The following TBC1D12 variants were observed in gnomAD, a reference collection of about 807,000 sequenced individuals.
TBC1D12 encodes the protein TBC1 domain family, member 12.
In TBC1D12, 56 loss-of-function variants were observed where a neutral mutation model predicts 86.7. The ratio of observed to expected loss-of-function variants is 0.65; its 90% CI spans 0.52 to 0.81. The LOEUF is 0.81. Ranked by LOEUF, TBC1D12 falls within the 30% of genes least tolerant of loss-of-function variation. The pLI is 0.00. For missense variants in TBC1D12, 1,023 were observed against 1,038.8 expected (o/e 0.98, Z 0.21); for synonymous variants, 421 against 411.7 (o/e 1.02, Z -0.27).
chr10:94,476,042 C>G (rs982356642), intron 3 of TBC1D12, among the ~76,000 whole-genome samples: 2 of 152,130 alleles, frequency 1.3e-5, no homozygotes, highest in Non-Finnish European at 2.9e-5. Flanking sequence ...TGGCCTCAGA[C>G]AATCCTGCCA....
chr10:94,514,836 A>G (rs900875326), intron 9 of TBC1D12, among the ~76,000 whole-genome samples: 5 of 151,476 alleles, frequency 3.3e-5, no homozygotes, highest in Admixed American at 2.6e-4. Context: ...TTTTTGAAGA[A>G]CTTCCATACA....
At chr10:94,496,613 T>TCC (rs2056324721) in intron 4 of TBC1D12, among the ~76,000 whole-genome samples, 2 of 152,184 alleles carry the variant, frequency 1.3e-5, no homozygotes, top group Non-Finnish European at 2.9e-5. Context: ...TTAGTGTAAA[T>TCC]AGAAATATGT....
chr10:94,428,779 G>A (rs11812360), intron 1 of TBC1D12, among the ~76,000 whole-genome samples: 58 of 151,598 alleles, frequency 3.8e-4, no homozygotes, highest in African/African-American at 1.3e-3. Context: ...GGTGCCATCA[G>A]GCTCACTACA....
intron 3 of TBC1D12, among the ~76,000 whole-genome samples, chr10:94,490,849 T>C (rs960358297): frequency 6.6e-6 from 1 of 152,176 alleles, no homozygotes; most frequent in Non-Finnish European, 1.5e-5. Flanking sequence ...GTGTGAACTT[T>C]AAGAATGTCC....
At chr10:94,462,335 C>T (rs537948765) in intron 2 of TBC1D12, among the ~76,000 whole-genome samples, 1 of 152,168 alleles carries the variant, frequency 6.6e-6, no homozygotes, top group South Asian at 2.1e-4. Flanking sequence ...TTTACATGAC[C>T]TAAATGTAAA....
At chr10:94,516,282 G>T (rs144962466) in intron 9 of TBC1D12, among the ~76,000 whole-genome samples, 1 of 151,456 alleles carries the variant, frequency 6.6e-6, no homozygotes, top group Non-Finnish European at 1.5e-5. Context: ...AATATTAAAC[G>T]TTTTTTCTAA....
At chr10:94,445,228 A>G (rs1454795116) in intron 2 of TBC1D12, among the ~76,000 whole-genome samples, 1 of 151,716 alleles carries the variant, frequency 6.6e-6, no homozygotes, top group Non-Finnish European at 1.5e-5. Context: ...GCGTGGTAGC[A>G]CGTGCCTGTA....
chr10:94,511,021 A>G (rs2056519462), intron 8 of TBC1D12, among the ~76,000 whole-genome samples: 1 of 152,036 alleles, frequency 6.6e-6, no homozygotes, highest in Non-Finnish European at 1.5e-5. Flanking sequence ...ACTGTTGACA[A>G]ATTATATAGC....
At chr10:94,480,513 G>A (rs1290643730) in intron 3 of TBC1D12, among the ~76,000 whole-genome samples, 5 of 151,790 alleles carry the variant, frequency 3.3e-5, no homozygotes, top group Non-Finnish European at 7.4e-5. Flanking sequence ...TTCTGATTGC[G>A]GCTTTGACTC....
intron 2 of TBC1D12, among the ~76,000 whole-genome samples, chr10:94,442,966 T>A (rs1315269694): frequency 6.6e-6 from 1 of 152,206 alleles, no homozygotes. Context: ...CTTTTTGCAT[T>A]TGAATAAAAG....
chr10:94,532,399 G>A (rs1426632332), intron 12 of TBC1D12, among the ~76,000 whole-genome samples: 1 of 151,664 alleles, frequency 6.6e-6, no homozygotes, highest in African/African-American at 2.4e-5. Flanking sequence ...GGATGGTCTC[G>A]ATCTCCTGAC....
chr10:94,526,168 A>G (rs953322431), intron 11 of TBC1D12, among the ~76,000 whole-genome samples: 1 of 152,170 alleles, frequency 6.6e-6, no homozygotes, highest in Non-Finnish European at 1.5e-5. Context: ...GCGATGGCTC[A>G]TGCTCATAAT....
At chr10:94,493,890 C>T (rs1379225357) in intron 4 of TBC1D12, among the ~76,000 whole-genome samples, 2 of 151,960 alleles carry the variant, frequency 1.3e-5, no homozygotes, top group African/African-American at 2.4e-5. Context: ...AAATTACAGT[C>T]ATAAAACTTG....
chr10:94,514,911 T>TC (rs2056570498), intron 9 of TBC1D12, among the ~76,000 whole-genome samples: 1 of 145,320 alleles, frequency 6.9e-6, no homozygotes, highest in African/African-American at 2.5e-5. Context: ...TTTTTTCTTT[T>TC]TTTTTTTTTT....
intron 7 of TBC1D12, 179 bp from the exon 8 acceptor site, chr10:94,509,912 A>G (rs889030897): frequency 5.6e-6 from 3 of 539,562 alleles, no homozygotes; most frequent in Admixed American, 4.1e-5. Flanking sequence ...ATGTATAGCT[A>G]TTTTCTTTGT....
chr10:94,446,021 T>A (rs1231276858), intron 2 of TBC1D12, among the ~76,000 whole-genome samples: 4 of 152,224 alleles, frequency 2.6e-5, no homozygotes, highest in Non-Finnish European at 5.9e-5. Flanking sequence ...TATCTCTGCT[T>A]CAATGTGTGT....
intron 1 of TBC1D12, among the ~76,000 whole-genome samples, chr10:94,412,156 C>T (rs2134051009): frequency 6.6e-6 from 1 of 152,248 alleles, no homozygotes; most frequent in South Asian, 2.1e-4. Context: ...GCAACTCATC[C>T]ATAAAATGGG....
chr10:94,450,298 A>G (rs2055529820), intron 2 of TBC1D12, among the ~76,000 whole-genome samples: 1 of 152,080 alleles, frequency 6.6e-6, no homozygotes, highest in South Asian at 2.1e-4. Flanking sequence ...GAGTTGTGAC[A>G]GGGTATGAGA....
chr10:94,474,444 C>T (rs759028633), intron 2 of TBC1D12, among the ~76,000 whole-genome samples: 11 of 151,930 alleles, frequency 7.2e-5, no homozygotes, highest in Admixed American at 1.3e-4. Context: ...CCTGCCACCT[C>T]GGCCTCCCAA....
Sources: gnomAD v4.1 joint callset for allele counts (sites outside exome capture counted in the v4.1 genomes callset) on GRCh38, gnomAD v4.1.1 for gene constraint, MANE v1.5 for transcripts, NCBI Gene and HGNC (gene_info 2026-07-23, HGNC 2026-07-21) for gene names.